Variants in OXR1 observed in about 807,000 individuals in gnomAD.
The protein encoded by OXR1 is oxidation resistance protein 1.
In OXR1, 41 loss-of-function variants were observed where a neutral mutation model predicts 104.6. The observed-to-expected ratio is 0.39, with a 90% CI of 0.31 to 0.51. The LOEUF is 0.51. OXR1 is among the 20% of genes least tolerant of loss of function. The pLI, the probability that OXR1 is intolerant of heterozygous loss-of-function variation, is 0.77. For synonymous variants in OXR1, 348 were observed against 348.4 expected (o/e 1.00, Z 0.01); for missense variants, 955 against 1,031.9 (o/e 0.93, Z 1.02).
chr8:106,396,054 C>T (rs72678550), intron 2 of OXR1, among the ~76,000 whole-genome samples: 2,030 of 152,128 alleles, frequency 0.013, 16 homozygotes, highest in Non-Finnish European at 0.021. Flanking sequence ...AACAAATGTC[C>T]ATGAGTTCCT....
intron 1 of OXR1, among the ~76,000 whole-genome samples, chr8:106,324,911 A>T (rs1162155489): frequency 2.6e-5 from 4 of 152,224 alleles, no homozygotes; most frequent in African/African-American, 7.2e-5. Context: ...GTGTTGAAAT[A>T]AAATTCACAC....
intron 7 of OXR1, among the ~76,000 whole-genome samples, chr8:106,695,074 TC>T (rs923150794): frequency 6.8e-5 from 10 of 148,010 alleles, no homozygotes; most frequent in Admixed American, 5.4e-4. Context: ...TACTTTTATT[TC>T]CCCCTTCCAG....
At chr8:106,402,281 T>A (rs1818031899) in intron 2 of OXR1, among the ~76,000 whole-genome samples, 1 of 152,226 alleles carries the variant, frequency 6.6e-6, no homozygotes, top group East Asian at 1.9e-4. Flanking sequence ...ATGATGGCAC[T>A]AATCTTTGCA....
At chr8:106,318,237 G>T (rs1191106934) in intron 1 of OXR1, among the ~76,000 whole-genome samples, 1 of 152,140 alleles carries the variant, frequency 6.6e-6, no homozygotes, top group Non-Finnish European at 1.5e-5. Flanking sequence ...TAGTGGTTAC[G>T]ATTTCTCTCT....
chr8:106,601,719 C>G (rs934729682), intron 3 of OXR1, among the ~76,000 whole-genome samples: 3 of 152,096 alleles, frequency 2.0e-5, no homozygotes, highest in Admixed American at 2.0e-4. Context: ...TTTCCTCCTG[C>G]CTATGGGAAT....
intron 16 of OXR1, among the ~76,000 whole-genome samples, chr8:106,746,785 T>C (rs889981200): frequency 1.2e-4 from 18 of 152,118 alleles, no homozygotes; most frequent in Admixed American, 1.0e-3. Context: ...GGTCCAATTA[T>C]ACCTTTTGGG....
intron 1 of OXR1, among the ~76,000 whole-genome samples, chr8:106,300,444 T>C (rs886661299): frequency 2.6e-5 from 4 of 152,038 alleles, no homozygotes; most frequent in African/African-American, 9.7e-5. Context: ...AAGATGACCC[T>C]CCTCTAACTT....
chr8:106,486,132 G>A (rs374922487), intron 2 of OXR1, among the ~76,000 whole-genome samples: 9 of 151,984 alleles, frequency 5.9e-5, no homozygotes, highest in African/African-American at 1.9e-4. Context: ...ACAAAATCAC[G>A]AGATATGTGA....
intron 3 of OXR1, among the ~76,000 whole-genome samples, chr8:106,620,668 G>A (rs540902695): frequency 5.3e-5 from 8 of 152,228 alleles, no homozygotes; most frequent in African/African-American, 1.9e-4. Context: ...TAAAACTGAA[G>A]ACCCACATTC....
chr8:106,745,749 T>C (rs1450790607), intron 15 of OXR1, 40 bp from the exon 16 acceptor site: 2 of 993,926 alleles, frequency 2.0e-6, no homozygotes, highest in African/African-American at 1.6e-5. Context: ...ATAATAACCA[T>C]TTCATCTATA....
intron 1 of OXR1, among the ~76,000 whole-genome samples, chr8:106,285,491 G>C (rs758832867): frequency 2.0e-5 from 3 of 152,066 alleles, no homozygotes; most frequent in Admixed American, 6.6e-5. Flanking sequence ...GTGTCCTTCC[G>C]TTTAATGCTG....
At chr8:106,415,086 G>A (rs1818615854) in intron 2 of OXR1, among the ~76,000 whole-genome samples, 1 of 152,092 alleles carries the variant, frequency 6.6e-6, no homozygotes, top group Non-Finnish European at 1.5e-5. Flanking sequence ...AAACAAGTAT[G>A]TGAAGTGACA....
chr8:106,473,201 A>G (rs1188876085), intron 2 of OXR1, among the ~76,000 whole-genome samples: 2 of 151,856 alleles, frequency 1.3e-5, no homozygotes, highest in Admixed American at 6.6e-5. Flanking sequence ...TTTCAGCTCT[A>G]AGTCAGGATG....
rs575739830 is a variant in OXR1, at chr8:106,670,793, A to G, written c.221-8417A>G. The stretch of plus-strand genomic sequence containing the variant: ...AGTTCTAATATGTATGTACATATAC[A>G]TATGAATCCTGAAAGTAGATGAGAG... On this transcript the variant is annotated intron_variant, in intron 3 of 16. Transcript: ENST00000517566. Among the ~76,000 whole-genome samples, 11 of 152,268 alleles carry G rather than the reference A, an allele frequency of 7.2e-5. No individual in the cohort carries two copies. In the South Asian group the frequency reaches 2.1e-3, roughly 29 times the overall value.
At chr8:106,500,293 C>T (rs760850304) in intron 2 of OXR1, among the ~76,000 whole-genome samples, 42 of 152,190 alleles carry the variant, frequency 2.8e-4, no homozygotes, top group Non-Finnish European at 5.7e-4. Flanking sequence ...GCGCCAGGCC[C>T]GAAACCAGGC....
intron 2 of OXR1, among the ~76,000 whole-genome samples, chr8:106,403,042 G>C (rs999375733): frequency 6.6e-6 from 1 of 152,102 alleles, no homozygotes; most frequent in Non-Finnish European, 1.5e-5. Flanking sequence ...GGATGGTCTC[G>C]ATCTCCTGAC....
chr8:106,424,815 AT>A (rs1819043768), intron 2 of OXR1, among the ~76,000 whole-genome samples: 1 of 152,034 alleles, frequency 6.6e-6, no homozygotes, highest in African/African-American at 2.4e-5. Context: ...GAGTTAAAAA[AT>A]GGTGTTATTT....
chr8:106,613,710 A>G (rs772647039), intron 3 of OXR1, among the ~76,000 whole-genome samples: 1 of 152,192 alleles, frequency 6.6e-6, no homozygotes, highest in African/African-American at 2.4e-5. Flanking sequence ...GTTATGTCCT[A>G]TACATATCAG....
intron 2 of OXR1, among the ~76,000 whole-genome samples, chr8:106,375,559 A>T (rs1053448924): frequency 2.0e-5 from 3 of 152,222 alleles, no homozygotes; most frequent in African/African-American, 4.8e-5. Context: ...GGGGAGACAC[A>T]TGAAACCTCA....
Sources: allele counts gnomAD v4.1 joint callset (sites outside exome capture counted in the v4.1 genomes callset), GRCh38; gene constraint gnomAD v4.1.1; transcripts MANE v1.5; gene names NCBI Gene and HGNC (gene_info 2026-07-23, HGNC 2026-07-21).